The following CNTN4 variants were observed in gnomAD, a reference collection of about 807,000 sequenced individuals.
CNTN4 encodes the protein contactin-4.
Under a neutral mutation model 122.5 loss-of-function variants are expected in CNTN4, and 77 were observed. That is an observed-to-expected ratio of 0.63 (90% CI 0.52 to 0.76). The LOEUF is 0.76. CNTN4 is among the 30% of genes least tolerant of loss of function. CNTN4 has a pLI of 0.00. For synonymous variants in CNTN4, 512 were observed against 447.0 expected, an observed-to-expected ratio of 1.15 and a Z score of -1.83; for missense variants, 1,256 against 1,259.1, an observed-to-expected ratio of 1.00 and a Z score of 0.04.
At chr3:2,589,469 C>A (rs2080359270) in intron 4 of CNTN4, among the ~76,000 whole-genome samples, 2 of 152,178 alleles carry the variant, frequency 1.3e-5, no homozygotes, top group Non-Finnish European at 2.9e-5. Flanking sequence ...GAGTATAATT[C>A]TTCCTTACTC....
At position 2,585,877 on chromosome 3, in the gene CNTN4, G is replaced by GA. The variant is rs199795637; in HGVS notation, c.55+14331dup. Among the ~76,000 whole-genome samples, 299 of 139,470 alleles carry GA rather than the reference G, an allele frequency of 2.1e-3. 1 individual carries two copies. The highest frequency in any genetic ancestry group is 6.7e-3 in the African/African-American group (255 of 38,020). 91.5% of individuals were successfully genotyped at this position (139,470 alleles called of 152,430 possible). The stretch of plus-strand genomic sequence containing the variant: ...AAAAGTAACCCAATACAGAGGGGGA[G>GA]AAAAAAAAAAAAGCTAATGAGGCTA... On this transcript the variant is annotated intron_variant, in intron 4 of 24. Coordinates refer to ENST00000418658, the MANE Select transcript of CNTN4 (RefSeq NM_175607.3).
At position 2,273,761 on chromosome 3, in the gene CNTN4, C is replaced by T. The variant is rs1216317737; in HGVS notation, c.-144-65417C>T. On this transcript the variant is annotated intron_variant, in intron 2 of 24. Coordinates refer to ENST00000418658, the MANE Select transcript of CNTN4 (RefSeq NM_175607.3). ...CAAAAACAAAAACCTGGGCTTATAGCATAACACACCTGGTATTAAATTGTG... is the reference window on the plus strand; with the variant it reads ...CAAAAACAAAAACCTGGGCTTATAGTATAACACACCTGGTATTAAATTGTG... 2.0e-5 allele frequency among the ~76,000 whole-genome samples: 3 copies of T among 152,258 alleles called. No individual in the cohort carries two copies. In the South Asian group the frequency reaches 6.2e-4, roughly 32 times the overall value.
chr3:2,267,471 A>G (rs1474129381), intron 2 of CNTN4, among the ~76,000 whole-genome samples: 4 of 152,096 alleles, frequency 2.6e-5, no homozygotes, highest in Admixed American at 2.6e-4. Context: ...ATTGCATCCC[A>G]GTTTCGAATA....
chr3:2,121,967 C>T (rs1343220383), intron 2 of CNTN4, among the ~76,000 whole-genome samples: 2 of 151,788 alleles, frequency 1.3e-5, no homozygotes, highest in African/African-American at 4.8e-5. Context: ...AGATCGAGAC[C>T]ACGGTGAAAC....
chr3:2,785,358 G>T (rs2091771002), intron 6 of CNTN4, among the ~76,000 whole-genome samples: 1 of 152,064 alleles, frequency 6.6e-6, no homozygotes, highest in African/African-American at 2.4e-5. Context: ...AGCTCAGTAG[G>T]CAGGCAGGAA....
At chr3:2,221,649 A>T (rs1247987120) in intron 2 of CNTN4, among the ~76,000 whole-genome samples, 2 of 152,146 alleles carry the variant, frequency 1.3e-5, no homozygotes, top group Non-Finnish European at 2.9e-5. Context: ...TATATATCTG[A>T]TATGGGACTT....
chr3:2,856,354 A>G (rs2093617884), intron 7 of CNTN4, among the ~76,000 whole-genome samples: 1 of 152,166 alleles, frequency 6.6e-6, no homozygotes. Flanking sequence ...ACCACATGTA[A>G]TTTTCCTGGT....
At chr3:2,645,402 T>A (rs1445758848) in intron 4 of CNTN4, among the ~76,000 whole-genome samples, 1 of 152,226 alleles carries the variant, frequency 6.6e-6, no homozygotes, top group African/African-American at 2.4e-5. Flanking sequence ...CAATTTTTGC[T>A]GGGCTACAGG....
At chr3:2,966,193 A>G (rs1692290907) in intron 13 of CNTN4, among the ~76,000 whole-genome samples, 1 of 152,192 alleles carries the variant, frequency 6.6e-6, no homozygotes, top group Non-Finnish European at 1.5e-5. Flanking sequence ...TTAAAAATAA[A>G]TATTGGCTGT....
At chr3:2,948,759 A>G (rs1020757535) in intron 13 of CNTN4, among the ~76,000 whole-genome samples, 2 of 152,148 alleles carry the variant, frequency 1.3e-5, no homozygotes, top group African/African-American at 4.8e-5. Context: ...GATACTACAT[A>G]CACCAGACTT....
At chr3:2,451,894 C>A (rs971785407) in intron 3 of CNTN4, among the ~76,000 whole-genome samples, 1 of 152,100 alleles carries the variant, frequency 6.6e-6, no homozygotes, top group Non-Finnish European at 1.5e-5. Context: ...TTATCTCTTT[C>A]CCTCACATTC....
At chr3:2,206,232 G>C (rs927137403) in intron 2 of CNTN4, among the ~76,000 whole-genome samples, 1 of 152,034 alleles carries the variant, frequency 6.6e-6, no homozygotes, top group Non-Finnish European at 1.5e-5. Flanking sequence ...AAACATCAAA[G>C]TTAGGGTCAA....
chr3:2,263,588 G>T (rs2040922724), intron 2 of CNTN4, among the ~76,000 whole-genome samples: 1 of 151,894 alleles, frequency 6.6e-6, no homozygotes, highest in African/African-American at 2.4e-5. Context: ...AGAGTAACTG[G>T]GATACCTATT....
At chr3:2,143,188 C>T (rs1479769091) in intron 2 of CNTN4, among the ~76,000 whole-genome samples, 1 of 152,080 alleles carries the variant, frequency 6.6e-6, no homozygotes, top group African/African-American at 2.4e-5. Context: ...TTTTACGTTT[C>T]CCATTTTCTT....
At chr3:2,106,048 T>A (rs575451938) in intron 2 of CNTN4, among the ~76,000 whole-genome samples, 8 of 152,350 alleles carry the variant, frequency 5.3e-5, no homozygotes, top group South Asian at 2.1e-4. Context: ...CGAAATCATC[T>A]TCTTTAACTC....
chr3:2,751,551 C>T (rs1170188951), intron 6 of CNTN4, among the ~76,000 whole-genome samples: 2 of 152,050 alleles, frequency 1.3e-5, no homozygotes, highest in Non-Finnish European at 2.9e-5. Context: ...CTTCCATAGA[C>T]GAATAAATCA....
intron 2 of CNTN4, among the ~76,000 whole-genome samples, chr3:2,222,847 A>G (rs973906638): frequency 6.6e-6 from 1 of 152,172 alleles, no homozygotes; most frequent in Non-Finnish European, 1.5e-5. Flanking sequence ...CTTTCTCTAA[A>G]CTAAACAAAC....
chr3:2,449,448 C>T (rs1416596185), intron 3 of CNTN4, among the ~76,000 whole-genome samples: 1 of 151,946 alleles, frequency 6.6e-6, no homozygotes. Context: ...AACCCCGTCT[C>T]TACTAAAAAT....
At chr3:2,659,424 T>G (rs1055379680) in intron 4 of CNTN4, among the ~76,000 whole-genome samples, 5 of 132,154 alleles carry the variant, frequency 3.8e-5, no homozygotes, top group African/African-American at 1.5e-4. Context: ...ATCACATCAC[T>G]GCACTTCACC....
Sources: allele counts gnomAD v4.1 joint callset (sites outside exome capture counted in the v4.1 genomes callset), GRCh38; gene constraint gnomAD v4.1.1; transcripts MANE v1.5; gene names NCBI Gene and HGNC (gene_info 2026-07-23, HGNC 2026-07-21).